The following DGKH variants were observed in gnomAD, a reference collection of about 807,000 sequenced individuals.
DGKH encodes DAG kinase eta.
In DGKH, 90 loss-of-function variants were observed where a neutral mutation model predicts 159.3. The ratio of observed to expected loss-of-function variants is 0.57; its 90% confidence interval spans 0.48 to 0.67. DGKH has a LOEUF of 0.67. Among genes scored for constraint, DGKH ranks in the 30% least tolerant of loss-of-function variants. DGKH has a pLI of 0.00. For missense variants in DGKH, 1,181 were observed against 1,506.1 expected (o/e 0.78, Z 3.57); for synonymous variants, 536 against 553.8 (o/e 0.97, Z 0.45).
intron 1 of DGKH, 103 bp from the exon 2 acceptor site, chr13:42,127,360 A>G (rs1021516275): frequency 1.2e-6 from 1 of 821,712 alleles, no homozygotes; most frequent in Middle Eastern, 3.3e-4. Flanking sequence ...AAGACATGAG[A>G]AATATTATTC....
intron 1 of DGKH, chr13:42,069,881 C>T: frequency 4.0e-6 from 3 of 746,226 alleles, no homozygotes; most frequent in Non-Finnish European, 6.9e-6. Flanking sequence ...CTTTCCCGAT[C>T]TCCATCCAAA....
chr13:42,190,509 C>A lies in DGKH; in HGVS notation c.2019C>A (p.Ala673=). Residue 673 remains alanine (A), a synonymous_variant, in exon 16 of 30, where the codon GCC becomes GCA. Coordinates refer to ENST00000337343, the MANE Select transcript of DGKH (RefSeq NM_178009.5). ...AGGAGGAAGCTAAAGATGATGGTGCCAAAGAATCAATAACTGGTGAGGAAA... is the reference window on the plus strand; with the variant it reads ...AGGAGGAAGCTAAAGATGATGGTGCAAAAGAATCAATAACTGGTGAGGAAA... ...ESKEEAKDDG[A]KESITVKTAP... The A allele has an allele frequency of 6.3e-7, 1 of 1,593,668 alleles. No homozygotes were observed. The highest frequency in any genetic ancestry group is 1.2e-5 in the South Asian group (1 of 86,624).
chr13:42,110,578 T>C (rs1445684828), intron 1 of DGKH, among the ~76,000 whole-genome samples: 1 of 32,474 alleles, frequency 3.1e-5, no homozygotes, highest in Non-Finnish European at 6.9e-5. Flanking sequence ...ATTCAGAATT[T>C]GAAGGATAAT....
At chr13:42,225,937 A>G (rs946659575) in intron 29 of DGKH, among the ~76,000 whole-genome samples, 2 of 152,124 alleles carry the variant, frequency 1.3e-5, no homozygotes, top group Non-Finnish European at 2.9e-5. Flanking sequence ...ACAAAAGCCA[A>G]AATTGACAAA....
chr13:42,118,187 A>C (rs1954999125), intron 1 of DGKH, among the ~76,000 whole-genome samples: 1 of 152,138 alleles, frequency 6.6e-6, no homozygotes, highest in Admixed American at 6.5e-5. Context: ...ACTGCACTCC[A>C]GCCTGGGCAA....
chr13:42,053,066 TG>T (rs1881438242), intron 1 of DGKH, among the ~76,000 whole-genome samples: 1 of 152,124 alleles, frequency 6.6e-6, no homozygotes, highest in Non-Finnish European at 1.5e-5. Flanking sequence ...CTGAGGGCGG[TG>T]GCTTATGCCT....
intron 1 of DGKH, among the ~76,000 whole-genome samples, chr13:42,084,578 T>A (rs1788526332): frequency 1.3e-5 from 2 of 152,174 alleles, no homozygotes; most frequent in South Asian, 4.1e-4. Context: ...TGTATTACAA[T>A]GTATTGCGTA....
At chr13:42,159,754 T>G (rs964150433) in intron 6 of DGKH, among the ~76,000 whole-genome samples, 1 of 152,204 alleles carries the variant, frequency 6.6e-6, no homozygotes, top group Non-Finnish European at 1.5e-5. Flanking sequence ...TGGGAACGCT[T>G]AGTGATCACT....
chr13:42,242,714 G>T lies in DGKH; in HGVS notation c.*13526G>T, dbSNP rs150977029. 2 of 152,134 alleles carry T rather than the reference G, an allele frequency of 1.3e-5. No individual in the cohort carries two copies. Among genetic ancestry groups the T allele is most frequent in the African/African-American group, 2.4e-5 (1 of 41,424 alleles). 9.4% of individuals were successfully genotyped at this position (152,134 alleles called of 1,614,324 possible). ...ATGACTACTAAGTGACCAGTTTTCG[G>T]TGCCTTTTATTGTGGGATGCATGAT... On this transcript the variant is annotated 3_prime_UTR_variant, in exon 30 of 30. Coordinates refer to ENST00000337343, the MANE Select transcript of DGKH (RefSeq NM_178009.5).
At chr13:42,050,698 A>G (rs989675692) in intron 1 of DGKH, among the ~76,000 whole-genome samples, 2 of 150,828 alleles carry the variant, frequency 1.3e-5, no homozygotes, top group African/African-American at 2.4e-5. Flanking sequence ...AAAAAAAAAA[A>G]TTGTATAGGG....
Position 42,237,670 on chromosome 13 carries a change from A to G in DGKH, c.*8482A>G, listed in dbSNP as rs1958446041. On this transcript the variant is annotated 3_prime_UTR_variant, in exon 30 of 30. Transcript: ENST00000337343. ...AGCACATCCTGCTGCTGAAATTGAG[A>G]AGTCAGTAAGAAGGTAGTTCAGATG... 6.6e-6 allele frequency: 1 copy of G among 152,216 alleles called. No individual in the cohort carries two copies. Among genetic ancestry groups the G allele is most frequent in the South Asian group, 2.1e-4 (1 of 4,832 alleles). The allele number at this position is 152,216 out of a possible 1,614,324, so 9.4% of individuals were successfully genotyped here.
intron 3 of DGKH, among the ~76,000 whole-genome samples, chr13:42,150,003 A>G (rs960132981): frequency 1.3e-5 from 2 of 152,210 alleles, no homozygotes; most frequent in Non-Finnish European, 2.9e-5. Context: ...CTTGTAAAAT[A>G]TGCTTGCTTT....
intron 1 of DGKH, among the ~76,000 whole-genome samples, chr13:42,090,823 TG>T (rs1254153687): frequency 6.6e-6 from 1 of 152,158 alleles, no homozygotes; most frequent in Non-Finnish European, 1.5e-5. Context: ...GATTGAGCCA[TG>T]GGGACAGAGC....
At chr13:42,110,783 A>T (rs1263682676) in intron 1 of DGKH, among the ~76,000 whole-genome samples, 1 of 152,246 alleles carries the variant, frequency 6.6e-6, no homozygotes, top group African/African-American at 2.4e-5. Context: ...GTAGTTCATT[A>T]TATTTTATGA....
intron 3 of DGKH, among the ~76,000 whole-genome samples, chr13:42,145,778 T>C (rs1468151527): frequency 6.6e-5 from 10 of 152,192 alleles, no homozygotes; most frequent in Admixed American, 6.5e-4. Flanking sequence ...TTTGTAATAA[T>C]CTAGCATAAC....
chr13:42,159,341 T>C lies in DGKH; in HGVS notation c.698T>C (p.Ile233Thr). The change falls in exon 6 of 30, where the codon ATC becomes ACC. Residue 233 changes from isoleucine (I) to threonine (T), a missense_variant. Ile to Thr is a moderately conservative substitution (Grantham distance 89, BLOSUM62 -1). Around this residue, in one of 5 missense-constraint regions of DGKH, gnomAD observed 369 missense variants for 519.4 expected, o/e 0.71. Coordinates refer to ENST00000337343, the MANE Select transcript of DGKH (RefSeq NM_178009.5). ...NNCKWTTLAS[I>T]GKDIIEDEDG... ...TGTAAATGGACTACCCTGGCCTCCA[T>C]CGGGAAGGACATTATAGAAGATGAA... The C allele has an allele frequency of 6.4e-7, 1 of 1,555,144 alleles. No homozygotes were observed. The highest frequency in any genetic ancestry group is 1.1e-5 in the South Asian group (1 of 90,286).
At chr13:42,190,382 T>A (rs753467654) in intron 15 of DGKH, 21 bp from the exon 16 acceptor site, 4 of 1,600,350 alleles carry the variant, frequency 2.5e-6, no homozygotes, top group Non-Finnish European at 3.4e-6. Flanking sequence ...TCCAAACTAT[T>A]TGTCTTCTTA....
chr13:42,102,428 T>C (rs894680264), intron 1 of DGKH, among the ~76,000 whole-genome samples: 10 of 152,342 alleles, frequency 6.6e-5, no homozygotes, highest in African/African-American at 2.4e-4. Flanking sequence ...CAATGGACAA[T>C]GTGGCCTTGG....
chr13:42,203,109 T>C (rs1000645977), intron 20 of DGKH, among the ~76,000 whole-genome samples: 12 of 152,188 alleles, frequency 7.9e-5, no homozygotes, highest in African/African-American at 2.9e-4. Flanking sequence ...AAAATAAATT[T>C]AGTTTATTAT....
Sources: gnomAD v4.1 joint callset for allele counts (sites outside exome capture counted in the v4.1 genomes callset) on GRCh38, gnomAD v4.1.1 for gene constraint, gnomAD v4.1.1 regional missense constraint, MANE v1.5 for transcripts, NCBI Gene and HGNC (gene_info 2026-07-23, HGNC 2026-07-21) for gene names.